RBP3: variants seen among roughly 807,000 people sequenced by gnomAD.
The protein encoded by RBP3 is retinol-binding protein 3.
RBP3 carries 50 observed loss-of-function variants against 64.8 expected under a neutral mutation model. The ratio of observed to expected loss-of-function variants is 0.77; its 90% CI spans 0.61 to 0.98. The LOEUF (loss-of-function observed/expected upper bound fraction) is 0.98. Among genes scored for constraint, RBP3 ranks in the 50% least tolerant of loss-of-function variants. The pLI, the probability that RBP3 is intolerant of heterozygous loss-of-function variation, is 0.00. For synonymous variants in RBP3, 828 were observed against 730.2 expected, an observed-to-expected ratio of 1.13 and a Z score of -2.16; for missense variants, 1,712 against 1,660.5, an observed-to-expected ratio of 1.03 and a Z score of -0.54.
Position 47,349,308 on chromosome 10 carries a change from A to C in RBP3, c.824A>C (p.Asp275Ala). ...CGGAAGCTGAGGATAGGCGAGTCTGACTTCTTCTTCACGGTGCCCGTGTCC... is the reference window on the plus strand; with the variant it reads ...CGGAAGCTGAGGATAGGCGAGTCTGCCTTCTTCTTCACGGTGCCCGTGTCC... Reference protein sequence around the residue: ...DLRKLRIGESDFFFTVPVSRS... With the variant: ...DLRKLRIGESAFFFTVPVSRS... Residue 275 changes from aspartate to alanine, a missense_variant, in exon 1 of 4, where the codon GAC becomes GCC. Coordinates refer to ENST00000584701, the MANE Select transcript of RBP3 (RefSeq NM_002900.3). 1 of 1,612,746 alleles carries C rather than the reference A, an allele frequency of 6.2e-7. No individual in the cohort carries two copies. The highest frequency in any genetic ancestry group is 8.5e-7 in the Non-Finnish European group (1 of 1,179,968).
Position 47,348,660 on chromosome 10 carries a change from A to G in RBP3, c.176A>G (p.His59Arg), listed in dbSNP as rs1836892712. 2 of 1,613,598 alleles carry G rather than the reference A, an allele frequency of 1.2e-6. No homozygotes were observed. Among genetic ancestry groups the G allele is most frequent in the Middle Eastern group, 1.6e-4 (1 of 6,062 alleles). Residue 59 changes from histidine to arginine, a missense_variant, in exon 1 of 4, where the codon CAT (histidine) becomes CGT (arginine). Physicochemically the swap from His to Arg is conservative, Grantham distance 29 (BLOSUM62 0). Transcript: ENST00000584701. ...QEAIQQAIKS[H>R]EILSISDPQT... Reference sequence around the variant, plus strand: ...GCCATCCAGCAGGCCATCAAGAGCCATGAGATTCTGAGCATCTCAGACCCG... The same window carrying G: ...GCCATCCAGCAGGCCATCAAGAGCCGTGAGATTCTGAGCATCTCAGACCCG...
rs1555210910 is a variant in RBP3 at position 47,348,844 on chromosome 10, C to T, written c.360C>T (p.Gly120=). The T allele has an allele frequency of 1.2e-6, 2 of 1,613,904 alleles. No individual in the cohort carries two copies. The highest frequency in any genetic ancestry group is 3.3e-5 in the Admixed American group (2 of 60,030). The change falls in exon 1 of 4, where the codon GGC becomes GGT. Residue 120 remains glycine (G), a synonymous_variant. Transcript: ENST00000584701. ...EEELLAWLQR[G]LRHEVLEGNV... ...AACTGCTTGCCTGGCTGCAAAGGGG[C>T]CTCCGCCATGAGGTTCTGGAGGGTA...
intron 3 of RBP3, among the ~76,000 whole-genome samples, chr10:47,356,102 A>C (rs1837043242): frequency 6.6e-6 from 1 of 152,168 alleles, no homozygotes; most frequent in African/African-American, 2.4e-5. Context: ...TTCCCTGCCC[A>C]GTGTGTAAGA....
At chr10:47,355,227 C>T (rs1184896864) in intron 2 of RBP3, 149 bp from the exon 3 acceptor site, 1 of 849,926 alleles carries the variant, frequency 1.2e-6, no homozygotes. Flanking sequence ...AATGCCAACC[C>T]ATGGAATTCT....
chr10:47,350,389 C>T lies in RBP3; in HGVS notation c.1905C>T (p.Ser635=). The change falls in exon 1 of 4, where the codon AGC becomes AGT. Residue 635 remains serine, a synonymous_variant. Transcript: ENST00000584701. ...AGGAAGTGCTGGAGTTCCACCAAAG[C>T]CTGGGGGCCTTGGTGGAGGGCACAG... The part of the protein sequence containing the change: ...KAQEVLEFHQ[S]LGALVEGTGH... 6 of 1,612,490 alleles carry T rather than the reference C, an allele frequency of 3.7e-6. No individual in the cohort carries two copies. The South Asian group carries it at 6.6e-5, about 18-fold the overall frequency.
chr10:47,353,252 A>T, intron 1 of RBP3, 73 bp from the exon 2 acceptor site: 1 of 1,396,350 alleles, frequency 7.2e-7, no homozygotes, highest in East Asian at 2.3e-5. Flanking sequence ...AATATTTCCC[A>T]TGGCGCCTGC....
chr10:47,350,576 C>G lies in RBP3; in HGVS notation c.2092C>G (p.Arg698Gly), dbSNP rs374030818. The change falls in exon 1 of 4, where the codon CGC (arginine) becomes GGC (glycine). Residue 698 changes from arginine (R) to glycine (G), a missense_variant. Physicochemically the swap from Arg to Gly is moderately radical, Grantham distance 125. Transcript: ENST00000584701. ...CCTCCAGGAGGTGTCTGGGGACCAC[C>G]GCTTGCTAGTGTTCCACAGCCCTGG... ...ADLQEVSGDH[R>G]LLVFHSPGEL... 4 of 1,612,984 alleles carry G rather than the reference C, an allele frequency of 2.5e-6. No individual in the cohort carries two copies. Among genetic ancestry groups the G allele is most frequent in the Non-Finnish European group, 3.4e-6 (4 of 1,180,028 alleles).
At position 47,350,710 on chromosome 10, in the gene RBP3, G is replaced by A. The variant is rs1291545367; in HGVS notation, c.2226G>A (p.Gln742=). ...TCAAGACAGAGGTGCTGCCCGGCCA[G>A]CTGGGCTACCTGCGTTTTGACGCCA... ...ALFKTEVLPG[Q]LGYLRFDAMA... is the part of the protein sequence containing the mutation. Residue 742 remains glutamine, a synonymous_variant, in exon 1 of 4, where the codon CAG becomes CAA. Transcript: ENST00000584701. 1 of 1,613,048 alleles carries A rather than the reference G, an allele frequency of 6.2e-7. No individual in the cohort carries two copies. Among genetic ancestry groups the A allele is most frequent in the Non-Finnish European group, 8.5e-7 (1 of 1,180,026 alleles).
chr10:47,354,386 G>A (rs1483597322), intron 2 of RBP3, among the ~76,000 whole-genome samples: 1 of 152,184 alleles, frequency 6.6e-6, no homozygotes, highest in Non-Finnish European at 1.5e-5. Context: ...CCCAGCTCCA[G>A]TTCTCTAGCC....
At chr10:47,356,679 C>T (rs1223783056) in intron 3 of RBP3, among the ~76,000 whole-genome samples, 2 of 152,230 alleles carry the variant, frequency 1.3e-5, no homozygotes, top group Non-Finnish European at 1.5e-5. Flanking sequence ...AGCATTCTGG[C>T]TCACGTTGCA....
At chr10:47,355,708 A>G (rs1359487926) in intron 3 of RBP3, among the ~76,000 whole-genome samples, 190 bp downstream of exon 3, 1 of 152,194 alleles carries the variant, frequency 6.6e-6, no homozygotes, top group Non-Finnish European at 1.5e-5. Flanking sequence ...TCTAGAGGAA[A>G]AAAAAGGGGG....
intron 2 of RBP3, among the ~76,000 whole-genome samples, chr10:47,354,682 C>A (rs1837023174): frequency 6.6e-6 from 1 of 152,198 alleles, no homozygotes; most frequent in Non-Finnish European, 1.5e-5. Context: ...CTTAAAGACC[C>A]TCCCACCCCT....
Position 47,355,496 on chromosome 10 carries a change from C to T in RBP3, c.3366C>T (p.Leu1122=). Residue 1122 remains leucine, a synonymous_variant, in exon 3 of 4, where the codon CTC becomes CTT. Coordinates refer to ENST00000584701, the MANE Select transcript of RBP3 (RefSeq NM_002900.3). ...YSRPDDSVSE[L]WTHAQVVGER... ...GGCCTGATGACTCTGTCAGTGAACT[C>T]TGGACACACGCCCAGGTTGTAGGTA... 6.2e-7 allele frequency: 1 copy of T among 1,614,226 alleles called. No homozygotes were observed. The highest frequency in any genetic ancestry group is 1.1e-5 in the South Asian group (1 of 91,084).
chr10:47,357,544 G>C lies in RBP3; in HGVS notation c.*87G>C, dbSNP rs1203028673. 1.6e-6 allele frequency: 2 copies of C among 1,236,264 alleles called. No individual in the cohort carries two copies. Among genetic ancestry groups the C allele is most frequent in the Non-Finnish European group, 2.3e-6 (2 of 877,330 alleles). The allele number at this position is 1,236,264 out of a possible 1,614,324, so 76.6% of individuals were successfully genotyped here. A position where few individuals can be genotyped will look rare whatever the true frequency, so the allele number is the denominator to read the frequency against. On this transcript the variant is annotated 3_prime_UTR_variant, in exon 4 of 4. Transcript: ENST00000584701. Reference sequence around the variant, plus strand: ...ACTCCTGCAGGTGGCCCGGCCTGAGGTTCCCAGGAGCAGCAAAGGGGCCTG... The same window carrying C: ...ACTCCTGCAGGTGGCCCGGCCTGAGCTTCCCAGGAGCAGCAAAGGGGCCTG...
Position 47,357,335 on chromosome 10 carries a change from G to C in RBP3, c.3622G>C (p.Gly1208Arg). Reference protein sequence around the residue: ...VGASDGSSWEGVGVTPHVVVP... With the variant: ...VGASDGSSWERVGVTPHVVVP... Reference sequence around the variant, plus strand: ...GGCCTCGGATGGCAGCTCCTGGGAAGGGGTGGGGGTGACACCCCATGTGGT... The same window carrying C: ...GGCCTCGGATGGCAGCTCCTGGGAACGGGTGGGGGTGACACCCCATGTGGT... Residue 1208 changes from glycine (G) to arginine (R), a missense_variant, in exon 4 of 4, where the codon GGG becomes CGG. Coordinates refer to ENST00000584701, the MANE Select transcript of RBP3 (RefSeq NM_002900.3). 1 of 1,614,166 alleles carries C rather than the reference G, an allele frequency of 6.2e-7. No homozygotes were observed.
rs184452710 is a variant in RBP3 at position 47,348,895 on chromosome 10, C to T, written c.411C>T (p.Ser137=). The change falls in exon 1 of 4, where the codon AGC becomes AGT. Residue 137 remains serine, a synonymous_variant. Coordinates refer to ENST00000584701, the MANE Select transcript of RBP3 (RefSeq NM_002900.3). The part of the protein sequence containing the change: ...EGNVGYLRVD[S]VPGQEVLSMM... The stretch of plus-strand genomic sequence containing the variant: ...ATGTGGGCTACCTGCGGGTGGACAG[C>T]GTCCCGGGCCAGGAGGTGCTGAGCA... The T allele has an allele frequency of 3.2e-5, 52 of 1,613,784 alleles. No individual in the cohort carries two copies. In the East Asian group the frequency reaches 6.0e-4, roughly 19 times the overall value.
chr10:47,348,529 C>T lies in RBP3; in HGVS notation c.45C>T (p.Gly15=). Residue 15 remains glycine (G), a synonymous_variant, in exon 1 of 4, where the codon GGC becomes GGT. Coordinates refer to ENST00000584701, the MANE Select transcript of RBP3 (RefSeq NM_002900.3). ...WVLLMSVLLC[G]LAGPTHLFQP... ...TGCTCATGTCCGTGCTGCTCTGTGG[C>T]CTGGCTGGCCCCACACACCTGTTCC... The T allele has an allele frequency of 6.2e-7, 1 of 1,610,432 alleles. No homozygotes were observed.
rs782133131 is a variant in RBP3, at chr10:47,350,033, A to G, written c.1549A>G (p.Thr517Ala). The change falls in exon 1 of 4, where the codon ACG (threonine) becomes GCG (alanine). Residue 517 changes from threonine (T) to alanine (A), a missense_variant. Coordinates refer to ENST00000584701, the MANE Select transcript of RBP3 (RefSeq NM_002900.3). ...FTTYDRRTNI[T>A]QEHFSHMELP... ...CACCTATGATCGCCGCACCAACATCACGCAGGAGCACTTCAGCCACATGGA... is the reference window on the plus strand; with the variant it reads ...CACCTATGATCGCCGCACCAACATCGCGCAGGAGCACTTCAGCCACATGGA... 9.9e-6 allele frequency: 16 copies of G among 1,612,728 alleles called. No homozygotes were observed. The highest frequency in any genetic ancestry group is 1.2e-5 in the Non-Finnish European group (14 of 1,179,942).
rs1555211253 is a variant in RBP3 at position 47,350,038 on chromosome 10, G to A, written c.1554G>A (p.Gln518=). 2.5e-6 allele frequency: 4 copies of A among 1,613,014 alleles called. No individual in the cohort carries two copies. Among genetic ancestry groups the A allele is most frequent in the Admixed American group, 1.7e-5 (1 of 60,012 alleles). Residue 518 remains glutamine, a synonymous_variant, in exon 1 of 4, where the codon CAG becomes CAA. Transcript: ENST00000584701. Reference sequence around the variant, plus strand: ...ATGATCGCCGCACCAACATCACGCAGGAGCACTTCAGCCACATGGAGCTCC... The same window carrying A: ...ATGATCGCCGCACCAACATCACGCAAGAGCACTTCAGCCACATGGAGCTCC... ...TTYDRRTNIT[Q]EHFSHMELPG...
Sources: gnomAD v4.1 joint callset for allele counts (sites outside exome capture counted in the v4.1 genomes callset) on GRCh38, gnomAD v4.1.1 for gene constraint, MANE v1.5 for transcripts, NCBI Gene and HGNC (gene_info 2026-07-23, HGNC 2026-07-21) for gene names.